CDC14A: variants seen among roughly 807,000 people sequenced by gnomAD.
CDC14A encodes dual specificity protein phosphatase CDC14A.
In CDC14A, 53 loss-of-function variants were observed where a neutral mutation model predicts 74.4. The observed-to-expected ratio is 0.71, with a 90% CI of 0.57 to 0.89. The LOEUF (loss-of-function observed/expected upper bound fraction) is 0.89, where lower values mean the gene tolerates loss of function less well. CDC14A is among the 40% of genes least tolerant of loss of function. CDC14A has a pLI of 0.00. For synonymous variants in CDC14A, 247 were observed against 258.4 expected, an observed-to-expected ratio of 0.96 and a Z score of 0.43; for missense variants, 646 against 713.7, an observed-to-expected ratio of 0.91 and a Z score of 1.08.
At chr1:100,412,508 T>C (rs1660844524) in intron 4 of CDC14A, among the ~76,000 whole-genome samples, 1 of 150,064 alleles carries the variant, frequency 6.7e-6, no homozygotes, top group South Asian at 2.1e-4. Flanking sequence ...CCTTCTTCAT[T>C]TTCCTTACTA....
intron 8 of CDC14A, among the ~76,000 whole-genome samples, chr1:100,459,627 C>T (rs1667119323): frequency 6.6e-6 from 1 of 152,174 alleles, no homozygotes; most frequent in Non-Finnish European, 1.5e-5. Flanking sequence ...AAAAACATCT[C>T]TTTTGACTCT....
chr1:100,511,067 A>G lies in CDC14A; in HGVS notation c.1756-7184A>G, dbSNP rs144780844. Among the ~76,000 whole-genome samples, 91 of 152,204 alleles carry G rather than the reference A, an allele frequency of 6.0e-4. 2 individuals are homozygous for G. In the East Asian group the frequency reaches 0.015, roughly 25 times the overall value. On this transcript the variant is annotated intron_variant, in intron 15 of 15. Transcript: ENST00000336454. ...TCCAAAGAAACTCTACTGTTTTCCA[A>G]TGATAACTCTACCTACCTGTACTGT...
At chr1:100,487,762 C>G (rs150616222) in intron 11 of CDC14A, among the ~76,000 whole-genome samples, 1 of 152,142 alleles carries the variant, frequency 6.6e-6, no homozygotes, top group Non-Finnish European at 1.5e-5. Context: ...TGAGCCTGGA[C>G]TTCAGTGCTG....
chr1:100,468,352 A>G (rs1485516017), intron 10 of CDC14A, among the ~76,000 whole-genome samples: 1 of 152,100 alleles, frequency 6.6e-6, no homozygotes, highest in Non-Finnish European at 1.5e-5. Flanking sequence ...GTCATTTTCT[A>G]TGTGTGATCT....
At chr1:100,516,249 A>AAT (rs1557843984) in intron 15 of CDC14A, among the ~76,000 whole-genome samples, 1 of 152,144 alleles carries the variant, frequency 6.6e-6, no homozygotes, top group South Asian at 2.1e-4. Context: ...TAAATAAATG[A>AAT]ATATATATAT....
intron 4 of CDC14A, chr1:100,393,953 G>GA: frequency 5.0e-6 from 1 of 200,068 alleles, no homozygotes; most frequent in South Asian, 7.3e-5. Flanking sequence ...CCTCCCCACC[G>GA]CAAAAAAAAA....
intron 4 of CDC14A, among the ~76,000 whole-genome samples, chr1:100,403,454 T>C (rs1055775995): frequency 7.9e-5 from 12 of 152,354 alleles, no homozygotes; most frequent in African/African-American, 2.9e-4. Context: ...ATTTTTGGCA[T>C]TGAATGAGCA....
intron 4 of CDC14A, among the ~76,000 whole-genome samples, chr1:100,394,846 G>T (rs1208627064): frequency 6.6e-6 from 1 of 152,178 alleles, no homozygotes; most frequent in African/African-American, 2.4e-5. Flanking sequence ...CGTATTGTTT[G>T]TATGTATTTA....
At chr1:100,462,460 A>G (rs1290540555) in intron 8 of CDC14A, 191 bp from the exon 9 acceptor site, 7 of 577,470 alleles carry the variant, frequency 1.2e-5, no homozygotes, top group Non-Finnish European at 2.2e-5. Context: ...TTTTCTTTTT[A>G]ACCTCCTGTG....
At chr1:100,453,533 ATTCT>A (rs1306468238) in intron 7 of CDC14A, among the ~76,000 whole-genome samples, 2 of 152,210 alleles carry the variant, frequency 1.3e-5, no homozygotes, top group Non-Finnish European at 2.9e-5. Context: ...CCATAATTAG[ATTCT>A]TTATTTAAGT....
intron 11 of CDC14A, among the ~76,000 whole-genome samples, chr1:100,491,572 AT>A (rs59429516): frequency 3.3e-3 from 84 of 25,096 alleles, no homozygotes; most frequent in African/African-American, 6.2e-3. Context: ...ATATATATAT[AT>A]TTTTTTTTTT....
chr1:100,424,568 C>A (rs1662731939), intron 5 of CDC14A, among the ~76,000 whole-genome samples: 3 of 152,176 alleles, frequency 2.0e-5, no homozygotes, highest in Non-Finnish European at 4.4e-5. Context: ...AAAAGTGCCT[C>A]ATTTATAAGC....
At chr1:100,439,600 T>G (rs1664707839) in intron 5 of CDC14A, among the ~76,000 whole-genome samples, 1 of 152,232 alleles carries the variant, frequency 6.6e-6, no homozygotes, top group Non-Finnish European at 1.5e-5. Flanking sequence ...ATCATTAACT[T>G]CATTTCACAG....
intron 5 of CDC14A, among the ~76,000 whole-genome samples, chr1:100,439,179 A>G (rs1211372476): frequency 6.6e-6 from 1 of 152,200 alleles, no homozygotes; most frequent in Non-Finnish European, 1.5e-5. Context: ...ACTCCTTTTG[A>G]AGGAGTACTT....
chr1:100,402,979 C>T (rs955095339), intron 4 of CDC14A, among the ~76,000 whole-genome samples: 1 of 152,174 alleles, frequency 6.6e-6, no homozygotes, highest in East Asian at 1.9e-4. Flanking sequence ...CCAAAACTTT[C>T]GTGTACCAAC....
chr1:100,494,799 A>G lies in CDC14A; in HGVS notation c.1138-19A>G, dbSNP rs773033965. 6 of 1,446,504 alleles carry G rather than the reference A, an allele frequency of 4.1e-6. No individual in the cohort carries two copies. The highest frequency in any genetic ancestry group is 1.8e-4 in the Middle Eastern group (1 of 5,712). 89.6% of individuals were successfully genotyped at this position (1,446,504 alleles called of 1,614,324 possible). ...AAGCCAAATTTTGACCTTTCTATGG[A>G]ACGTGTATTTTTTTCCAGGATAACT... On this transcript the variant is annotated intron_variant, in intron 11 of 15. Transcript: ENST00000336454.
chr1:100,409,862 G>A (rs1571102100), intron 4 of CDC14A, among the ~76,000 whole-genome samples: 2 of 152,182 alleles, frequency 1.3e-5, no homozygotes, highest in East Asian at 3.8e-4. Flanking sequence ...GAGAATCCTT[G>A]AATCTCATCA....
chr1:100,453,176 CAT>C (rs367580336), intron 7 of CDC14A, among the ~76,000 whole-genome samples: 1 of 152,130 alleles, frequency 6.6e-6, no homozygotes, highest in African/African-American at 2.4e-5. Flanking sequence ...GATTTGCAAA[CAT>C]ATTCTTTTGG....
intron 3 of CDC14A, among the ~76,000 whole-genome samples, chr1:100,382,180 A>G (rs942051469): frequency 3.0e-5 from 4 of 135,092 alleles, no homozygotes; most frequent in Admixed American, 2.2e-4. Flanking sequence ...AAGTTGTGGT[A>G]TTTTGAAAAA....
Sources: gnomAD v4.1 joint callset for allele counts (sites outside exome capture counted in the v4.1 genomes callset) on GRCh38, gnomAD v4.1.1 for gene constraint, MANE v1.5 for transcripts, NCBI Gene and HGNC (gene_info 2026-07-23, HGNC 2026-07-21) for gene names.